Variants in STXBP5 observed in about 807,000 individuals in gnomAD.
STXBP5 encodes syntaxin-binding protein 5.
In STXBP5, 50 loss-of-function variants were observed where a neutral mutation model predicts 152.4. The observed-to-expected ratio is 0.33, with a 90% CI of 0.26 to 0.42. The LOEUF is 0.42. Among genes scored for constraint, STXBP5 ranks in the 10% least tolerant of loss-of-function variants. The probability of loss-of-function intolerance (pLI) is 1.00; values close to 1 mark genes in which losing one functional copy is unlikely to be tolerated. For missense variants in STXBP5, 1,167 were observed against 1,388.6 expected, an observed-to-expected ratio of 0.84 and a Z score of 2.54; for synonymous variants, 492 against 494.7, an observed-to-expected ratio of 0.99 and a Z score of 0.07.
intron 6 of STXBP5, among the ~76,000 whole-genome samples, chr6:147,265,812 A>G (rs1458066675): frequency 6.6e-6 from 1 of 152,118 alleles, no homozygotes; most frequent in Non-Finnish European, 1.5e-5. Context: ...TAAACAAGAT[A>G]AAAACTAATC....
chr6:147,221,746 T>C (rs1471907315), intron 2 of STXBP5, among the ~76,000 whole-genome samples: 2 of 149,048 alleles, frequency 1.3e-5, no homozygotes, highest in Admixed American at 1.3e-4. Flanking sequence ...GTAGCTTTCT[T>C]TTTTTTTTTA....
chr6:147,282,341 T>A (rs1400388809), intron 8 of STXBP5, among the ~76,000 whole-genome samples: 1 of 152,148 alleles, frequency 6.6e-6, no homozygotes, highest in African/African-American at 2.4e-5. Flanking sequence ...AAACAAAAGG[T>A]GATAGGTCCC....
chr6:147,325,178 G>A (rs929114850), intron 17 of STXBP5, 94 bp downstream of exon 17: 13 of 1,201,162 alleles, frequency 1.1e-5, no homozygotes, highest in Admixed American at 3.5e-5. Context: ...TTGTTATATC[G>A]TCACCTAAAA....
chr6:147,276,084 G>A (rs1440606578), intron 7 of STXBP5, among the ~76,000 whole-genome samples: 6 of 152,002 alleles, frequency 3.9e-5, no homozygotes, highest in African/African-American at 7.2e-5. Flanking sequence ...CTTTGTTTAC[G>A]TAAATTTCTC....
At chr6:147,312,215 A>G (rs1303912416) in intron 11 of STXBP5, among the ~76,000 whole-genome samples, 9 of 152,122 alleles carry the variant, frequency 5.9e-5, no homozygotes, top group African/African-American at 7.2e-5. Context: ...GGCTTTTCCT[A>G]TCCTCTGTTT....
chr6:147,241,365 G>A (rs917600310), intron 4 of STXBP5, among the ~76,000 whole-genome samples: 6 of 152,108 alleles, frequency 3.9e-5, no homozygotes, highest in Non-Finnish European at 8.8e-5. Flanking sequence ...TGACAAATGC[G>A]TAATGTCATG....
rs1781280473 is a variant in STXBP5, at chr6:147,291,604, A to G, written c.917+432A>G. Among the ~76,000 whole-genome samples, 4 of 152,288 alleles carry G rather than the reference A, an allele frequency of 2.6e-5. No homozygotes were observed. The South Asian group carries it at 8.3e-4, about 32-fold the overall frequency. ...GTATCTGCCAATTATGAAAATAAAT[A>G]CAGTTTAATATTAAAGGGAGTTTGT... On this transcript the variant is annotated intron_variant, in intron 9 of 27. Transcript: ENST00000321680.
intron 16 of STXBP5, among the ~76,000 whole-genome samples, chr6:147,324,263 G>GTTTTTTTTTTTTTTTTTTTTTTTTTTT (rs764684701): frequency 1.2e-5 from 1 of 85,042 alleles, no homozygotes; most frequent in Non-Finnish European, 2.3e-5. Flanking sequence ...GTTTTTTTTT[G>GTTTTTTTTTTTTTTTTTTTTTTTTTTT]GTTTTTTTTT....
intron 13 of STXBP5, 38 bp downstream of exon 13, chr6:147,314,369 T>G (rs564775188): frequency 6.5e-7 from 1 of 1,542,306 alleles, no homozygotes; most frequent in South Asian, 1.1e-5. Flanking sequence ...AAATCTATAA[T>G]AGCTAAATAT....
intron 7 of STXBP5, among the ~76,000 whole-genome samples, chr6:147,271,492 G>T (rs1033194257): frequency 6.6e-6 from 1 of 151,894 alleles, no homozygotes; most frequent in African/African-American, 2.4e-5. Flanking sequence ...TTAGAAATCA[G>T]TTATATAGAT....
intron 9 of STXBP5, among the ~76,000 whole-genome samples, chr6:147,308,569 G>A (rs1288713423): frequency 6.6e-6 from 1 of 151,990 alleles, no homozygotes; most frequent in African/African-American, 2.4e-5. Context: ...CCCTCATGAA[G>A]CATACATTTT....
chr6:147,315,523 C>G lies in STXBP5; in HGVS notation c.1411C>G (p.Gln471Glu). Reference sequence around the variant, plus strand: ...TATTATCTTTTTTCCAGTAACTCTACAAGTATTATATAAGCTAAAGACATC... The same window carrying G: ...TATTATCTTTTTTCCAGTAACTCTAGAAGTATTATATAAGCTAAAGACATC... ...KFWDASAITLQVLYKLKTSKV... is the reference protein window; with the variant it reads ...KFWDASAITLEVLYKLKTSKV... Residue 471 changes from glutamine to glutamate, a missense_variant, in exon 15 of 28, where the codon CAA becomes GAA. Gln to Glu is a conservative substitution (Grantham distance 29). Coordinates refer to ENST00000321680, the MANE Select transcript of STXBP5 (RefSeq NM_001127715.4). The G allele has an allele frequency of 6.2e-7, 1 of 1,600,850 alleles. No individual in the cohort carries two copies. Among genetic ancestry groups the G allele is most frequent in the Non-Finnish European group, 8.6e-7 (1 of 1,169,510 alleles).
chr6:147,281,178 T>C (rs1266086582), intron 8 of STXBP5, among the ~76,000 whole-genome samples: 5 of 152,162 alleles, frequency 3.3e-5, no homozygotes, highest in Non-Finnish European at 7.3e-5. Context: ...TGCACTAGCC[T>C]CCTGAGTAGC....
At chr6:147,321,795 C>G (rs1423607815) in intron 16 of STXBP5, among the ~76,000 whole-genome samples, 1 of 152,072 alleles carries the variant, frequency 6.6e-6, no homozygotes, top group Non-Finnish European at 1.5e-5. Flanking sequence ...AACAAATCAA[C>G]TTGAATATAT....
At chr6:147,310,802 T>A (rs1396939430) in intron 10 of STXBP5, among the ~76,000 whole-genome samples, 2 of 152,182 alleles carry the variant, frequency 1.3e-5, no homozygotes, top group African/African-American at 4.8e-5. Flanking sequence ...CCCATTCGTT[T>A]AGAGGGTAAT....
chr6:147,330,227 A>G (rs570474912), intron 18 of STXBP5, among the ~76,000 whole-genome samples: 10 of 152,258 alleles, frequency 6.6e-5, no homozygotes, highest in South Asian at 4.1e-4. Flanking sequence ...AGGATAATAT[A>G]TATATTGTTT....
chr6:147,308,151 G>T (rs1477070494), intron 9 of STXBP5, among the ~76,000 whole-genome samples: 2 of 152,106 alleles, frequency 1.3e-5, no homozygotes, highest in Non-Finnish European at 2.9e-5. Flanking sequence ...CCCTGTCCTT[G>T]GATTATTTGA....
intron 2 of STXBP5, among the ~76,000 whole-genome samples, chr6:147,206,879 T>C (rs994382209): frequency 2.0e-5 from 3 of 152,110 alleles, no homozygotes; most frequent in Non-Finnish European, 4.4e-5. Context: ...GTGTTTTCTT[T>C]TACTGTGACT....
At chr6:147,285,105 G>A (rs937951443) in intron 8 of STXBP5, among the ~76,000 whole-genome samples, 1 of 152,088 alleles carries the variant, frequency 6.6e-6, no homozygotes, top group Non-Finnish European at 1.5e-5. Context: ...GGGGAAATAG[G>A]CCATAGTAAG....
Sources: allele counts gnomAD v4.1 joint callset (sites outside exome capture counted in the v4.1 genomes callset), GRCh38; gene constraint gnomAD v4.1.1; transcripts MANE v1.5; gene names NCBI Gene and HGNC (gene_info 2026-07-23, HGNC 2026-07-21).